Variants in C8orf89 observed in about 807,000 individuals in gnomAD.
C8orf89 encodes the protein putative uncharacterized protein C8orf89.
In C8orf89, 14 loss-of-function variants were observed where a neutral mutation model predicts 15.8. The ratio of observed to expected loss-of-function variants is 0.89; its 90% CI spans 0.59 to 1.39. The LOEUF is 1.39. C8orf89 is among the 40% of genes most tolerant of loss of function. The probability of loss-of-function intolerance (pLI) is 0.00; values close to 1 mark genes in which losing one functional copy is unlikely to be tolerated. For synonymous variants in C8orf89, 55 were observed against 62.2 expected, an observed-to-expected ratio of 0.88 and a Z score of 0.54; for missense variants, 181 against 184.5, an observed-to-expected ratio of 0.98 and a Z score of 0.11.
At chr8:73,243,974 A>G (rs1276449133) in intron 3 of C8orf89, among the ~76,000 whole-genome samples, 2 of 152,094 alleles carry the variant, frequency 1.3e-5, no homozygotes, top group East Asian at 3.8e-4. Context: ...CACCAACTTA[A>G]TCTGATTTTG....
At chr8:73,247,208 C>G (rs891686862) in intron 3 of C8orf89, among the ~76,000 whole-genome samples, 12 of 151,874 alleles carry the variant, frequency 7.9e-5, no homozygotes, top group African/African-American at 2.7e-4. Flanking sequence ...TCCACACCCT[C>G]CTGCATTAGT....
rs778719670 is a variant in C8orf89 at position 73,241,516 on chromosome 8, G to A, written c.427C>T (p.Arg143Cys). 4.0e-5 allele frequency: 62 copies of A among 1,531,634 alleles called. 1 individual carries two copies. Among genetic ancestry groups the A allele is most frequent in the Middle Eastern group, 3.3e-4 (2 of 5,994 alleles). The allele number at this position is 1,531,634 out of a possible 1,614,324, so 94.9% of individuals were successfully genotyped here. Reference sequence around the variant, plus strand: ...TTTGATTTTGTGGTTGTTTCCTGACGAATGGTATCATATTCCAATATGGCT... The same window carrying A: ...TTTGATTTTGTGGTTGTTTCCTGACAAATGGTATCATATTCCAATATGGCT... ...KIAILEYDTI[R>C]QETTTKSKKS... Residue 143 changes from arginine to cysteine, a missense_variant, in exon 4 of 4, where the codon CGT (arginine) becomes TGT (cysteine). Coordinates refer to ENST00000624510, the MANE Select transcript of C8orf89 (RefSeq NM_001243237.3).
chr8:73,283,995 C>A, the C8orf89 span, among the ~76,000 whole-genome samples: 2 of 151,040 alleles, frequency 1.3e-5, no homozygotes, highest in Non-Finnish European at 2.9e-5. Context: ...TAAGCCAGGA[C>A]CGCGCCATGG....
chr8:73,248,782 G>T (rs184532540), intron 3 of C8orf89, among the ~76,000 whole-genome samples: 1 of 152,190 alleles, frequency 6.6e-6, no homozygotes, highest in East Asian at 1.9e-4. Context: ...ATTTTTGCAC[G>T]TTGATTTTGT....
intron 3 of C8orf89, among the ~76,000 whole-genome samples, chr8:73,248,455 A>G (rs1458798246): frequency 6.6e-6 from 1 of 152,146 alleles, no homozygotes; most frequent in Non-Finnish European, 1.5e-5. Context: ...ATTTTAAAAT[A>G]GTTTTTTCTA....
chr8:73,243,600 G>T (rs113228682), intron 3 of C8orf89, among the ~76,000 whole-genome samples: 36 of 152,238 alleles, frequency 2.4e-4, no homozygotes, highest in African/African-American at 8.4e-4. Context: ...TGCAATCTCG[G>T]CTCACTGCAA....
the C8orf89 span, among the ~76,000 whole-genome samples, chr8:73,285,020 C>T: frequency 1.3e-5 from 2 of 152,124 alleles, no homozygotes; most frequent in African/African-American, 2.4e-5. Flanking sequence ...ATGTTTAACT[C>T]CTGGTGAGAA....
At chr8:73,265,845 A>G in the C8orf89 span, among the ~76,000 whole-genome samples, 1 of 152,210 alleles carries the variant, frequency 6.6e-6, no homozygotes, top group African/African-American at 2.4e-5. Flanking sequence ...AGTACCTGAC[A>G]TCATCATGCT....
At chr8:73,256,388 C>G (rs1813385251) in intron 2 of C8orf89, among the ~76,000 whole-genome samples, 1 of 151,770 alleles carries the variant, frequency 6.6e-6, no homozygotes, top group Non-Finnish European at 1.5e-5. Flanking sequence ...TTCCAATGCT[C>G]TCATGGGCAT....
the C8orf89 span, among the ~76,000 whole-genome samples, chr8:73,282,069 G>T: frequency 6.6e-6 from 1 of 152,182 alleles, no homozygotes; most frequent in Non-Finnish European, 1.5e-5. Context: ...AAAATGTTGG[G>T]ATCTGTTTGT....
At position 73,241,448 on chromosome 8, in the gene C8orf89, C is replaced by T. The variant is rs886938743; in HGVS notation, c.*9G>A. The T allele has an allele frequency of 8.6e-6, 13 of 1,517,556 alleles. No homozygotes were observed. Among genetic ancestry groups the T allele is most frequent in the East Asian group, 7.4e-5 (3 of 40,708 alleles). 94.0% of individuals were successfully genotyped at this position (1,517,556 alleles called of 1,614,324 possible). A position where few individuals can be genotyped will look rare whatever the true frequency, so the allele number is the denominator to read the frequency against. On this transcript the variant is annotated 3_prime_UTR_variant, in exon 4 of 4. Coordinates refer to ENST00000624510, the MANE Select transcript of C8orf89 (RefSeq NM_001243237.3). ...TCACTGAAGAAAGCATCACACTGTA[C>T]GACATTTTTCAGCGGTCTCGGAGGT...
upstream of C8orf89, among the ~76,000 whole-genome samples, chr8:73,260,587 TG>T (rs1396539297): frequency 1.3e-5 from 2 of 151,880 alleles, no homozygotes; most frequent in Non-Finnish European, 2.9e-5. Context: ...AGTGCTATGA[TG>T]GGGGGCAAAA....
chr8:73,269,933 A>G, the C8orf89 span, among the ~76,000 whole-genome samples: 1 of 152,210 alleles, frequency 6.6e-6, no homozygotes. Context: ...ATATTTATCT[A>G]TATTTTTGAA....
the C8orf89 span, among the ~76,000 whole-genome samples, chr8:73,283,948 CAGG>C: frequency 1.3e-5 from 2 of 151,514 alleles, no homozygotes; most frequent in South Asian, 2.1e-4. Flanking sequence ...GAGGCTGAGG[CAGG>C]AGAACTGCTT....
Position 73,259,478 on chromosome 8 carries a change from G to A in C8orf89, c.-20C>T. On this transcript the variant is annotated 5_prime_UTR_variant, in exon 1 of 4. Transcript: ENST00000624510. ...TGACATTTTTTCTTCTTTCAACAGT[G>A]CTGATGAGAGGGAGATGCTGCTGCA... 1 of 1,493,342 alleles carries A rather than the reference G, an allele frequency of 6.7e-7. No homozygotes were observed. The highest frequency in any genetic ancestry group is 8.9e-7 in the Non-Finnish European group (1 of 1,126,478). The allele number at this position is 1,493,342 out of a possible 1,614,324, so 92.5% of individuals were successfully genotyped here.
intron 3 of C8orf89, among the ~76,000 whole-genome samples, chr8:73,246,526 A>G (rs1275887661): frequency 6.6e-6 from 1 of 152,116 alleles, no homozygotes; most frequent in Non-Finnish European, 1.5e-5. Context: ...TTACAGGCGC[A>G]CACCACAATT....
chr8:73,285,680 G>A, the C8orf89 span, among the ~76,000 whole-genome samples: 1 of 152,248 alleles, frequency 6.6e-6, no homozygotes, highest in African/African-American at 2.4e-5. Flanking sequence ...CAGGTAGGAG[G>A]CTCCGGCAGC....
the C8orf89 span, among the ~76,000 whole-genome samples, chr8:73,268,781 A>G: frequency 2.0e-5 from 3 of 152,332 alleles, no homozygotes; most frequent in East Asian, 5.8e-4. Flanking sequence ...CAGTATGGGT[A>G]AAACCACATC....
At chr8:73,277,794 C>G in the C8orf89 span, 1 of 731,892 alleles carries the variant, frequency 1.4e-6, no homozygotes, top group East Asian at 2.7e-5. Context: ...GAGGAAACAG[C>G]CTGGCCTCCG....
Sources: gnomAD v4.1 joint callset for allele counts (sites outside exome capture counted in the v4.1 genomes callset) on GRCh38, gnomAD v4.1.1 for gene constraint, MANE v1.5 for transcripts, NCBI Gene and HGNC (gene_info 2026-07-23, HGNC 2026-07-21) for gene names.